STXBP6: variants seen among roughly 807,000 people sequenced by gnomAD.
The protein encoded by STXBP6 is syntaxin-binding protein 6.
A neutral mutation model predicts 26.9 loss-of-function variants in STXBP6; 21 were observed. That is an observed-to-expected ratio of 0.78 (90% CI 0.55 to 1.12). The LOEUF is 1.12. Ranked by LOEUF, STXBP6 falls within the 50% of genes most tolerant of loss-of-function variation. The pLI is 0.00. For synonymous variants in STXBP6, 97 were observed against 92.6 expected, an observed-to-expected ratio of 1.05 and a Z score of -0.27; for missense variants, 232 against 257.9, an observed-to-expected ratio of 0.90 and a Z score of 0.69.
chr14:25,006,876 C>T (rs1042389404), intron 1 of STXBP6, among the ~76,000 whole-genome samples: 1 of 151,236 alleles, frequency 6.6e-6, no homozygotes, highest in Middle Eastern at 3.4e-3. Context: ...GCATATTTTA[C>T]TTCAAAGGCA....
intron 1 of STXBP6, among the ~76,000 whole-genome samples, chr14:25,018,048 C>T (rs2075188607): frequency 6.6e-6 from 1 of 152,154 alleles, no homozygotes; most frequent in Non-Finnish European, 1.5e-5. Flanking sequence ...CATACACTGC[C>T]CCCCTGCTCA....
rs182614645 is a variant in STXBP6, at chr14:25,024,739, A to C, written c.-33+25139T>G. On this transcript the variant is annotated intron_variant, in intron 1 of 5. Transcript: ENST00000323944. Reference sequence around the variant, plus strand: ...CAGATGCCAGGTGTGTTAAAATAATAATAATAAAAAAAGATTACATCTTTA... The same window carrying C: ...CAGATGCCAGGTGTGTTAAAATAATCATAATAAAAAAAGATTACATCTTTA... Among the ~76,000 whole-genome samples, 20 of 152,322 alleles carry C rather than the reference A, an allele frequency of 1.3e-4. No individual in the cohort carries two copies. In the East Asian group the frequency reaches 3.3e-3, roughly 25 times the overall value.
chr14:25,008,264 G>A (rs1259888971), intron 1 of STXBP6, among the ~76,000 whole-genome samples: 2 of 152,180 alleles, frequency 1.3e-5, no homozygotes, highest in East Asian at 3.8e-4. Context: ...AGCACTGTGG[G>A]AGATGAAGGT....
At chr14:24,819,923 C>A (rs1054122969) in intron 4 of STXBP6, among the ~76,000 whole-genome samples, 2 of 152,102 alleles carry the variant, frequency 1.3e-5, no homozygotes, top group African/African-American at 4.8e-5. Context: ...TGATAGAAAC[C>A]AGCCCTAGAA....
At chr14:25,013,622 TAC>T (rs2075082941) in intron 1 of STXBP6, among the ~76,000 whole-genome samples, 1 of 150,992 alleles carries the variant, frequency 6.6e-6, no homozygotes, top group African/African-American at 2.4e-5. Flanking sequence ...TCACAAGAAA[TAC>T]AGAGGCTAGA....
chr14:24,890,614 A>C (rs1222235283), intron 2 of STXBP6, among the ~76,000 whole-genome samples: 1 of 152,230 alleles, frequency 6.6e-6, no homozygotes, highest in Non-Finnish European at 1.5e-5. Context: ...AGAAGATCTT[A>C]CAAGCTTTCA....
intron 2 of STXBP6, among the ~76,000 whole-genome samples, chr14:24,954,328 G>C (rs1446468656): frequency 6.6e-6 from 1 of 152,118 alleles, no homozygotes; most frequent in African/African-American, 2.4e-5. Flanking sequence ...GCAGACTGAA[G>C]GGGAAGAGAA....
At chr14:24,898,484 C>T (rs2071083217) in intron 2 of STXBP6, among the ~76,000 whole-genome samples, 2 of 152,162 alleles carry the variant, frequency 1.3e-5, no homozygotes, top group Middle Eastern at 3.2e-3. Flanking sequence ...CGAGACCAGC[C>T]TGGCCAATAT....
At position 25,042,938 on chromosome 14, in the gene STXBP6, A is replaced by G. The variant is rs1202311946; in HGVS notation, c.-33+6940T>C. ...TTCACGTAATGCTGACCACCACAAG[A>G]ACCCTCTTTAAATAGAGATTTTTTA... On this transcript the variant is annotated intron_variant, in intron 1 of 5. Coordinates refer to ENST00000323944, the MANE Select transcript of STXBP6 (RefSeq NM_001394410.1). 3.3e-5 allele frequency among the ~76,000 whole-genome samples: 5 copies of G among 152,230 alleles called. No homozygotes were observed. The East Asian group carries it at 7.7e-4, about 23-fold the overall frequency.
chr14:24,846,796 A>G (rs542711784), intron 4 of STXBP6, among the ~76,000 whole-genome samples: 3 of 152,324 alleles, frequency 2.0e-5, no homozygotes, highest in African/African-American at 7.2e-5. Flanking sequence ...TTTTAAATCA[A>G]TGTCCAATTT....
chr14:24,854,566 C>G (rs1003576574), intron 4 of STXBP6, among the ~76,000 whole-genome samples: 12 of 152,046 alleles, frequency 7.9e-5, no homozygotes, highest in Non-Finnish European at 1.8e-4. Context: ...TCTAGGCTAT[C>G]AGAGCAAACT....
At chr14:24,824,611 T>G (rs1047058906) in intron 4 of STXBP6, among the ~76,000 whole-genome samples, 1 of 152,246 alleles carries the variant, frequency 6.6e-6, no homozygotes, top group Non-Finnish European at 1.5e-5. Context: ...GGATAACCTC[T>G]AATATCCTCT....
intron 4 of STXBP6, among the ~76,000 whole-genome samples, chr14:24,846,755 T>G (rs961201863): frequency 6.6e-5 from 10 of 152,306 alleles, no homozygotes; most frequent in Non-Finnish European, 1.2e-4. Flanking sequence ...GAATGTTTGC[T>G]CCTACAAATT....
At chr14:24,856,980 A>G (rs1191946155) in intron 3 of STXBP6, 47 bp downstream of exon 3, 2 of 1,597,846 alleles carry the variant, frequency 1.3e-6, no homozygotes, top group Non-Finnish European at 1.7e-6. Context: ...TCAGAGAGTC[A>G]TCTTGTGAAA....
At chr14:24,933,935 G>A (rs1310256515) in intron 2 of STXBP6, among the ~76,000 whole-genome samples, 1 of 152,106 alleles carries the variant, frequency 6.6e-6, no homozygotes, top group Non-Finnish European at 1.5e-5. Context: ...AGGTTACAGA[G>A]CAATTTAGGG....
At chr14:24,901,393 G>C (rs570424645) in intron 2 of STXBP6, among the ~76,000 whole-genome samples, 58 of 152,228 alleles carry the variant, frequency 3.8e-4, no homozygotes, top group Non-Finnish European at 5.4e-4. Flanking sequence ...CTAGGATTTG[G>C]AGCAACCCTA....
At chr14:24,941,937 G>T (rs1327413825) in intron 2 of STXBP6, among the ~76,000 whole-genome samples, 1 of 152,204 alleles carries the variant, frequency 6.6e-6, no homozygotes, top group Non-Finnish European at 1.5e-5. Context: ...ATGCCAACAG[G>T]CTGCCAGGTG....
intron 1 of STXBP6, among the ~76,000 whole-genome samples, chr14:25,029,776 A>T (rs1421314627): frequency 6.6e-6 from 1 of 152,172 alleles, no homozygotes; most frequent in Non-Finnish European, 1.5e-5. Flanking sequence ...AAGAGGAAAA[A>T]GAATGTATAA....
chr14:24,880,041 T>A (rs1409590072), intron 2 of STXBP6, among the ~76,000 whole-genome samples: 1 of 152,244 alleles, frequency 6.6e-6, no homozygotes, highest in Non-Finnish European at 1.5e-5. Context: ...TCATGTAGTC[T>A]GAGAAGGGAC....
Sources: gnomAD v4.1 joint callset for allele counts (sites outside exome capture counted in the v4.1 genomes callset) on GRCh38, gnomAD v4.1.1 for gene constraint, MANE v1.5 for transcripts, NCBI Gene and HGNC (gene_info 2026-07-23, HGNC 2026-07-21) for gene names.